HHAT: variants seen among roughly 807,000 people sequenced by gnomAD.
The protein encoded by HHAT is protein-cysteine N-palmitoyltransferase HHAT.
In HHAT, 47 loss-of-function variants were observed where a neutral mutation model predicts 70.8. The ratio of observed to expected loss-of-function variants is 0.66; its 90% CI spans 0.53 to 0.85. The LOEUF is 0.85. Among genes scored for constraint, HHAT ranks in the 40% least tolerant of loss-of-function variants. The pLI is 0.00. For synonymous variants in HHAT, 228 were observed against 247.6 expected (o/e 0.92, Z 0.74); for missense variants, 609 against 604.8 (o/e 1.01, Z -0.07).
chr1:210,540,753 C>T (rs1033833193), intron 9 of HHAT, among the ~76,000 whole-genome samples: 18 of 152,042 alleles, frequency 1.2e-4, no homozygotes, highest in Non-Finnish European at 2.2e-4. Flanking sequence ...AAGTTATCCT[C>T]CCCTGCTTAG....
intron 10 of HHAT, among the ~76,000 whole-genome samples, chr1:210,601,488 A>G (rs1664253185): frequency 6.6e-6 from 1 of 152,170 alleles, no homozygotes; most frequent in African/African-American, 2.4e-5. Context: ...CTTACTGGAC[A>G]TAAGCCATTT....
intron 7 of HHAT, among the ~76,000 whole-genome samples, chr1:210,419,481 C>T (rs1282466736): frequency 2.0e-5 from 3 of 152,282 alleles, no homozygotes; most frequent in Middle Eastern, 3.4e-3. Context: ...TGAGGACTCC[C>T]GCAGTGGCTG....
rs577343258 is a variant in HHAT, at chr1:210,535,268, A to T, written c.1043+22080A>T. ...TCCAGTTCCTCATTTGCCAAATAGA[A>T]GACAGTGACTACGTAACAGGGTTTT... On this transcript the variant is annotated intron_variant, in intron 9 of 11. Coordinates refer to ENST00000261458, the MANE Select transcript of HHAT (RefSeq NM_018194.6). Among the ~76,000 whole-genome samples the T allele has an allele frequency of 1.6e-4, 25 of 152,252 alleles. No homozygotes were observed. In the East Asian group the frequency reaches 4.6e-3, roughly 28 times the overall value.
intron 11 of HHAT, among the ~76,000 whole-genome samples, chr1:210,672,014 A>C (rs924605567): frequency 6.6e-6 from 1 of 152,126 alleles, no homozygotes; most frequent in Non-Finnish European, 1.5e-5. Context: ...CACCGTTACT[A>C]TTACTACCTT....
At chr1:210,600,478 C>T (rs1664002916) in intron 10 of HHAT, among the ~76,000 whole-genome samples, 1 of 152,088 alleles carries the variant, frequency 6.6e-6, no homozygotes, top group South Asian at 2.1e-4. Flanking sequence ...TGTTATAATG[C>T]TCAGTGCACA....
intron 11 of HHAT, among the ~76,000 whole-genome samples, chr1:210,656,328 G>A (rs1402756146): frequency 6.6e-6 from 1 of 152,166 alleles, no homozygotes; most frequent in African/African-American, 2.4e-5. Flanking sequence ...GTACGGCATG[G>A]CACCTGGAGC....
At chr1:210,389,594 C>A (rs150364629) in intron 4 of HHAT, among the ~76,000 whole-genome samples, 1 of 152,320 alleles carries the variant, frequency 6.6e-6, no homozygotes, top group East Asian at 1.9e-4. Context: ...CCCCACTTTG[C>A]TCATTCTCTC....
At chr1:210,673,970 TTA>T (rs1553331509) in intron 11 of HHAT, among the ~76,000 whole-genome samples, 3 of 150,412 alleles carry the variant, frequency 2.0e-5, no homozygotes, top group African/African-American at 4.9e-5. Flanking sequence ...TTTTTTTTTT[TTA>T]TTATACTTTA....
At chr1:210,458,578 A>G (rs2093917502) in intron 7 of HHAT, among the ~76,000 whole-genome samples, 1 of 152,174 alleles carries the variant, frequency 6.6e-6, no homozygotes, top group African/African-American at 2.4e-5. Flanking sequence ...TTAAGGGTAG[A>G]GTTTTGACAG....
rs534406144 is a variant in HHAT at position 210,483,203 on chromosome 1, T to C, written c.1007+18548T>C. 3.3e-5 allele frequency among the ~76,000 whole-genome samples: 5 copies of C among 152,300 alleles called. No homozygotes were observed. The South Asian group carries it at 1.0e-3, about 32-fold the overall frequency. ...CTTTTGGCACAAAATTCACAAACTT[T>C]TATTTCTGTTGCCATGGGGAGAGTG... On this transcript the variant is annotated intron_variant, in intron 8 of 11. Transcript: ENST00000261458.
chr1:210,390,485 G>GATA lies in HHAT; in HGVS notation c.273+2904_273+2905insATA, dbSNP rs3036588. 2.1e-3 allele frequency among the ~76,000 whole-genome samples: 315 copies of GATA among 151,878 alleles called. 1 individual carries two copies. The highest frequency in any genetic ancestry group is 7.2e-3 in the African/African-American group (297 of 41,404). ...AAAAGTGATCATAAACATAAAGATA[G>GATA]GTCTATTATTGTAGGGAGAGATTTT... On this transcript the variant is annotated intron_variant, in intron 4 of 11. Transcript: ENST00000261458.
chr1:210,533,318 CTTT>C (rs1228002831), intron 9 of HHAT, among the ~76,000 whole-genome samples: 2 of 116,326 alleles, frequency 1.7e-5, no homozygotes, highest in Non-Finnish European at 3.8e-5. Flanking sequence ...AAGACAGCAT[CTTT>C]GGGGACTGTC....
At chr1:210,371,758 T>G (rs976611623) in intron 3 of HHAT, among the ~76,000 whole-genome samples, 6 of 152,188 alleles carry the variant, frequency 3.9e-5, no homozygotes, top group Admixed American at 3.3e-4. Flanking sequence ...CACCAGAGTT[T>G]ACACACATGA....
At chr1:210,614,566 C>G (rs566911467) in intron 10 of HHAT, among the ~76,000 whole-genome samples, 6 of 152,258 alleles carry the variant, frequency 3.9e-5, no homozygotes, top group African/African-American at 1.2e-4. Flanking sequence ...CTCCCCTCCC[C>G]CCACCTCACA....
intron 8 of HHAT, among the ~76,000 whole-genome samples, chr1:210,475,451 G>T (rs2094290158): frequency 6.6e-6 from 1 of 152,118 alleles, no homozygotes. Context: ...TGCAAGAGTG[G>T]TTTATCAGAG....
intron 6 of HHAT, 50 bp from the exon 7 acceptor site, chr1:210,418,104 G>A: frequency 6.4e-7 from 1 of 1,570,496 alleles, no homozygotes; most frequent in Non-Finnish European, 8.8e-7. Context: ...CTAAGGGACT[G>A]TTTTAGGAAT....
At chr1:210,669,325 T>C (rs748188613) in intron 11 of HHAT, among the ~76,000 whole-genome samples, 19 of 152,214 alleles carry the variant, frequency 1.2e-4, no homozygotes, top group Non-Finnish European at 1.8e-4. Flanking sequence ...TTATTACAAT[T>C]TAATGCTGAC....
At chr1:210,348,784 T>G in intron 1 of HHAT, 149 bp from the exon 2 acceptor site, 1 of 654,406 alleles carries the variant, frequency 1.5e-6, no homozygotes, top group Non-Finnish European at 2.5e-6. Flanking sequence ...TGGAGTAAGT[T>G]CACAGGGAGG....
chr1:210,617,881 G>T (rs1668059109), intron 10 of HHAT, among the ~76,000 whole-genome samples: 1 of 152,186 alleles, frequency 6.6e-6, no homozygotes, highest in African/African-American at 2.4e-5. Flanking sequence ...TGCTTTCAAA[G>T]GCTCTTCATG....
Sources: allele counts gnomAD v4.1 joint callset (sites outside exome capture counted in the v4.1 genomes callset), GRCh38; gene constraint gnomAD v4.1.1; transcripts MANE v1.5; gene names NCBI Gene and HGNC (gene_info 2026-07-23, HGNC 2026-07-21).